TP53INP1: variants seen among roughly 807,000 people sequenced by gnomAD.
The protein encoded by TP53INP1 is tumor protein p53 inducible nuclear protein 1.
Under a neutral mutation model 21.0 loss-of-function variants are expected in TP53INP1, and 12 were observed. The observed-to-expected ratio is 0.57, with a 90% CI of 0.37 to 0.93. TP53INP1 has a LOEUF of 0.93. Ranked by LOEUF, TP53INP1 falls within the 40% of genes least tolerant of loss-of-function variation. The probability of loss-of-function intolerance (pLI) is 0.01; values close to 1 mark genes in which losing one functional copy is unlikely to be tolerated. For missense variants in TP53INP1, 274 were observed against 294.7 expected (o/e 0.93, Z 0.51); for synonymous variants, 91 against 94.8 (o/e 0.96, Z 0.23).
In TP53INP1 at chr8:94,933,840, G is replaced by GGT. The variant is rs1554630483; in HGVS notation, c.474-3113_474-3112insAC. On this transcript the variant is annotated intron_variant, in intron 3 of 3. Coordinates refer to ENST00000342697, the MANE Select transcript of TP53INP1 (RefSeq NM_033285.4). Reference sequence around the variant, plus strand: ...CTGTAATCCCAGCACTTTGTGGGGGGGGGGGGAGGATCACGAGGTCAGGAG... The same window carrying GGT: ...CTGTAATCCCAGCACTTTGTGGGGGGGTGGGGGGAGGATCACGAGGTCAGGAG... Among the ~76,000 whole-genome samples, 2 of 148,494 alleles carry GGT rather than the reference G, an allele frequency of 1.3e-5. 1 individual carries two copies.
intron 1 of TP53INP1, among the ~76,000 whole-genome samples, chr8:94,947,525 T>C (rs1490229967): frequency 1.3e-5 from 2 of 152,158 alleles, no homozygotes; most frequent in African/African-American, 4.8e-5. Context: ...TCTCTGCTTG[T>C]TCCACTTATA....
At chr8:94,934,850 G>C (rs1820801139) in intron 3 of TP53INP1, among the ~76,000 whole-genome samples, 1 of 152,112 alleles carries the variant, frequency 6.6e-6, no homozygotes. Flanking sequence ...TAATAAACTT[G>C]TAGCACTGAA....
intron 1 of TP53INP1, among the ~76,000 whole-genome samples, chr8:94,944,148 A>G (rs553921931): frequency 1.3e-5 from 2 of 152,236 alleles, no homozygotes; most frequent in Non-Finnish European, 2.9e-5. Flanking sequence ...TTGAGAGAAT[A>G]AGCCCAATTC....
Position 94,940,908 on chromosome 8 carries a change from C to T in TP53INP1, c.34G>A (p.Glu12Lys), listed in dbSNP as rs1821467346. 2 of 1,613,904 alleles carry T rather than the reference C, an allele frequency of 1.2e-6. No homozygotes were observed. The highest frequency in any genetic ancestry group is 2.2e-5 in the South Asian group (2 of 91,042). Residue 12 changes from glutamate to lysine, a missense_variant, in exon 2 of 4, where the codon GAA becomes AAA. Coordinates refer to ENST00000342697, the MANE Select transcript of TP53INP1 (RefSeq NM_033285.4). ...TCTTGGTTGGAGGAAGAACTGACTT[C>T]ACCCACAAACATTTTATTCAGCCTC... is the stretch of plus-strand genomic sequence containing the variant. ...FQRLNKMFVG[E>K]VSSSSNQEPE...
At chr8:94,931,572 AAC>A (rs1485930259) in intron 3 of TP53INP1, among the ~76,000 whole-genome samples, 3 of 132,090 alleles carry the variant, frequency 2.3e-5, no homozygotes, top group Non-Finnish European at 3.1e-5. Flanking sequence ...CACTTGAGGA[AAC>A]ACACATATTT....
intron 3 of TP53INP1, among the ~76,000 whole-genome samples, chr8:94,937,440 C>CAAAAA (rs1173351669): frequency 1.1e-5 from 1 of 93,710 alleles, no homozygotes; most frequent in African/African-American, 3.5e-5. Flanking sequence ...GACTCCATCT[C>CAAAAA]AAAAAAAAAA....
rs181214126 is a variant in TP53INP1, at chr8:94,935,530, T to C, written c.473+4330A>G. 4.6e-5 allele frequency among the ~76,000 whole-genome samples: 7 copies of C among 152,324 alleles called. No homozygotes were observed. The East Asian group carries it at 9.6e-4, about 21-fold the overall frequency. ...AGTGACCAACAATTGCTTGGGGCAA[T>C]AGACAGATTGATTAATCAAGATAAT... On this transcript the variant is annotated intron_variant, in intron 3 of 3. Transcript: ENST00000342697.
chr8:94,926,311 A>G lies in TP53INP1; in HGVS notation c.*4168T>C, dbSNP rs1258799916. 6.6e-6 allele frequency: 1 copy of G among 152,610 alleles called. No individual in the cohort carries two copies. The highest frequency in any genetic ancestry group is 1.5e-5 in the Non-Finnish European group (1 of 68,024). The allele number at this position is 152,610 out of a possible 1,614,324, so 9.5% of individuals were successfully genotyped here. ...AAAATGTGTCGAGAAACACATTAAG[A>G]AGGCACATGTACAGTCTACAATACT... On this transcript the variant is annotated 3_prime_UTR_variant, in exon 4 of 4. Transcript: ENST00000342697.
intron 1 of TP53INP1, among the ~76,000 whole-genome samples, chr8:94,942,723 G>A (rs182310480): frequency 6.6e-6 from 1 of 152,176 alleles, no homozygotes; most frequent in Non-Finnish European, 1.5e-5. Context: ...TGTTCTCCAG[G>A]CTACCTGGGT....
chr8:94,934,441 A>G (rs1481434379), intron 3 of TP53INP1, among the ~76,000 whole-genome samples: 1 of 151,236 alleles, frequency 6.6e-6, no homozygotes, highest in Non-Finnish European at 1.5e-5. Flanking sequence ...GCTGGAGTGC[A>G]ATGGCGTGAT....
chr8:94,949,024 G>A (rs1161683802), intron 1 of TP53INP1, 130 bp downstream of exon 1: 1 of 148,836 alleles, frequency 6.7e-6, no homozygotes, highest in Non-Finnish European at 1.5e-5. Flanking sequence ...CTCGGTGAAC[G>A]CGCAACCGGC....
At position 94,926,721 on chromosome 8, in the gene TP53INP1, T is replaced by C. The variant is rs1819932076; in HGVS notation, c.*3758A>G. On this transcript the variant is annotated 3_prime_UTR_variant, in exon 4 of 4. Coordinates refer to ENST00000342697, the MANE Select transcript of TP53INP1 (RefSeq NM_033285.4). ...CTCTCCTCCCATGCAAAGGATACTG[T>C]TGCACATAAAAGATATCCTCATCTG... The C allele has an allele frequency of 6.6e-6, 1 of 152,254 alleles. No individual in the cohort carries two copies. The highest frequency in any genetic ancestry group is 1.5e-5 in the Non-Finnish European group (1 of 68,046). 9.4% of individuals were successfully genotyped at this position (152,254 alleles called of 1,614,324 possible). A position where few individuals can be genotyped will look rare whatever the true frequency, so the allele number is the denominator to read the frequency against.
chr8:94,930,092 A>G lies in TP53INP1; in HGVS notation c.*387T>C, dbSNP rs1346846735. 5.3e-6 allele frequency: 1 copy of G among 189,450 alleles called. No individual in the cohort carries two copies. The highest frequency in any genetic ancestry group is 1.1e-5 in the Non-Finnish European group (1 of 90,324). 11.7% of individuals were successfully genotyped at this position (189,450 alleles called of 1,614,324 possible). ...AGTGTACAGCTGACCCTGAGAATAA[A>G]TTTTTGCTTGCTTAAAAGATTAAGT... On this transcript the variant is annotated 3_prime_UTR_variant, in exon 4 of 4. Transcript: ENST00000342697.
chr8:94,932,098 T>C (rs751317498), intron 3 of TP53INP1: 29 of 1,610,294 alleles, frequency 1.8e-5, no homozygotes, highest in Non-Finnish European at 2.4e-5. Context: ...ATAAGCAGCT[T>C]TTCCTGGCCC....
At chr8:94,947,807 A>T (rs1822152631) in intron 1 of TP53INP1, among the ~76,000 whole-genome samples, 1 of 152,252 alleles carries the variant, frequency 6.6e-6, no homozygotes, top group African/African-American at 2.4e-5. Context: ...AGATAGGATG[A>T]GAAAACAAGA....
Position 94,927,723 on chromosome 8 carries a change from G to T in TP53INP1, c.*2756C>A, listed in dbSNP as rs1397724357. The T allele has an allele frequency of 6.6e-6, 1 of 152,244 alleles. No homozygotes were observed. Among genetic ancestry groups the T allele is most frequent in the African/African-American group, 2.4e-5 (1 of 41,390 alleles). 9.4% of individuals were successfully genotyped at this position (152,244 alleles called of 1,614,324 possible). A position where few individuals can be genotyped will look rare whatever the true frequency, so the allele number is the denominator to read the frequency against. On this transcript the variant is annotated 3_prime_UTR_variant, in exon 4 of 4. Transcript: ENST00000342697. ...AAAAACAAACTTTGAGAAACATGGC[G>T]CACTATAAAAGCTAAGAAACTCATT...
At chr8:94,938,057 C>G (rs1178017114) in intron 3 of TP53INP1, among the ~76,000 whole-genome samples, 1 of 152,116 alleles carries the variant, frequency 6.6e-6, no homozygotes, top group African/African-American at 2.4e-5. Context: ...GAATTGGGAT[C>G]AATTCATTAT....
At chr8:94,934,384 A>G (rs1468102800) in intron 3 of TP53INP1, among the ~76,000 whole-genome samples, 1 of 151,230 alleles carries the variant, frequency 6.6e-6, no homozygotes, top group Non-Finnish European at 1.5e-5. Context: ...TTAATTATAA[A>G]TTCTATTTTT....
In TP53INP1 at chr8:94,939,543, G is replaced by A. The variant is rs1423579058; in HGVS notation, c.473+317C>T. The A allele has an allele frequency of 9.7e-6, 3 of 310,390 alleles. No individual in the cohort carries two copies. In the Admixed American group the frequency reaches 1.3e-4, roughly 14 times the overall value. 19.2% of individuals were successfully genotyped at this position (310,390 alleles called of 1,614,324 possible). A position where few individuals can be genotyped will look rare whatever the true frequency, so the allele number is the denominator to read the frequency against. Reference sequence around the variant, plus strand: ...CCTGAGTAGCTGGGACTACAGGTGTGCACCACCACACCTGGCTAATTTTTT... The same window carrying A: ...CCTGAGTAGCTGGGACTACAGGTGTACACCACCACACCTGGCTAATTTTTT... On this transcript the variant is annotated intron_variant, in intron 3 of 3. Transcript: ENST00000342697.
Sources: allele counts gnomAD v4.1 joint callset (sites outside exome capture counted in the v4.1 genomes callset), GRCh38; gene constraint gnomAD v4.1.1; transcripts MANE v1.5; gene names NCBI Gene and HGNC (gene_info 2026-07-23, HGNC 2026-07-21).